The following GAB1 variants were observed in gnomAD, a reference collection of about 807,000 sequenced individuals.
GAB1 encodes GRB2 associated binding protein 1.
A neutral mutation model predicts 66.5 loss-of-function variants in GAB1; 19 were observed. That is an observed-to-expected ratio of 0.29 (90% confidence interval 0.20 to 0.42). The LOEUF (loss-of-function observed/expected upper bound fraction) is 0.42. Ranked by LOEUF, GAB1 falls within the 10% of genes least tolerant of loss-of-function variation. The probability of loss-of-function intolerance (pLI) is 1.00; values close to 1 mark genes in which losing one functional copy is unlikely to be tolerated. For missense variants in GAB1, 732 were observed against 858.5 expected (o/e 0.85, Z 1.84); for synonymous variants, 294 against 301.4 (o/e 0.98, Z 0.25).
chr4:143,439,766 T>C, intron 4 of GAB1, 36 bp from the exon 5 acceptor site: 5 of 1,457,498 alleles, frequency 3.4e-6, no homozygotes, highest in African/African-American at 1.4e-5. Flanking sequence ...CTGGCAAAGA[T>C]GGGAATAAAT....
chr4:143,341,695 C>G (rs778019804), intron 1 of GAB1, among the ~76,000 whole-genome samples: 25 of 152,240 alleles, frequency 1.6e-4, no homozygotes, highest in Non-Finnish European at 3.4e-4. Flanking sequence ...TTCAAAAACA[C>G]ACCCCTGGTT....
intron 1 of GAB1, among the ~76,000 whole-genome samples, chr4:143,347,607 C>T (rs894592910): frequency 6.6e-6 from 1 of 152,198 alleles, no homozygotes; most frequent in Non-Finnish European, 1.5e-5. Flanking sequence ...GTGAAGAATG[C>T]AAAAGAAGAG....
chr4:143,370,582 G>A (rs190790417), intron 1 of GAB1, among the ~76,000 whole-genome samples: 1 of 152,194 alleles, frequency 6.6e-6, no homozygotes, highest in East Asian at 1.9e-4. Context: ...AAGTTCTAGG[G>A]TACATGTGCA....
At position 143,414,991 on chromosome 4, in the gene GAB1, C is replaced by T. The variant is rs533797845; in HGVS notation, c.73-486C>T. Among the ~76,000 whole-genome samples the T allele has an allele frequency of 1.1e-4, 17 of 152,276 alleles. 1 individual carries two copies. Among genetic ancestry groups the T allele is most frequent in the South Asian group, 1.0e-3 (5 of 4,818 alleles). Reference sequence around the variant, plus strand: ...TCTCCATTTCCCACCCCTCCCCCTCCGCAGGGCCTGACAAATACCATTCTG... The same window carrying T: ...TCTCCATTTCCCACCCCTCCCCCTCTGCAGGGCCTGACAAATACCATTCTG... On this transcript the variant is annotated intron_variant, in intron 1 of 9. Transcript: ENST00000262994.
At chr4:143,468,132 A>G (rs991456950) in intron 9 of GAB1, among the ~76,000 whole-genome samples, 4 of 150,268 alleles carry the variant, frequency 2.7e-5, no homozygotes, top group Admixed American at 1.3e-4. Flanking sequence ...CAGGTTGTCT[A>G]TGTTAAGATG....
At chr4:143,388,564 G>A (rs527744821) in intron 1 of GAB1, among the ~76,000 whole-genome samples, 134 of 152,138 alleles carry the variant, frequency 8.8e-4, no homozygotes, top group African/African-American at 3.0e-3. Context: ...ACAGACGTGC[G>A]TCAACACGCC....
chr4:143,351,012 G>C (rs1327092441), intron 1 of GAB1, among the ~76,000 whole-genome samples: 1 of 152,192 alleles, frequency 6.6e-6, no homozygotes, highest in Admixed American at 6.5e-5. Flanking sequence ...CTCTAGGGGA[G>C]CATACAGACC....
intron 2 of GAB1, among the ~76,000 whole-genome samples, chr4:143,429,198 A>G (rs1203534798): frequency 6.6e-6 from 1 of 152,034 alleles, no homozygotes; most frequent in South Asian, 2.1e-4. Context: ...CGCCTCCTGG[A>G]TTCAAGTGAT....
chr4:143,413,519 T>A (rs1393691714), intron 1 of GAB1, among the ~76,000 whole-genome samples: 2 of 152,174 alleles, frequency 1.3e-5, no homozygotes, highest in South Asian at 4.1e-4. Flanking sequence ...TAAAGACCTA[T>A]ATAATGTTTT....
chr4:143,444,467 A>C (rs908313491), intron 6 of GAB1, among the ~76,000 whole-genome samples: 1 of 152,184 alleles, frequency 6.6e-6, no homozygotes, highest in Non-Finnish European at 1.5e-5. Flanking sequence ...TGGGGAGCAT[A>C]CAGAAGACTA....
At chr4:143,463,618 A>G (rs1483933503) in intron 8 of GAB1, among the ~76,000 whole-genome samples, 2 of 139,700 alleles carry the variant, frequency 1.4e-5, no homozygotes, top group East Asian at 4.0e-4. Flanking sequence ...GCAAGACTCC[A>G]TCTCAAAAAA....
intron 1 of GAB1, among the ~76,000 whole-genome samples, chr4:143,365,112 T>C (rs1390848120): frequency 1.3e-5 from 2 of 151,548 alleles, no homozygotes; most frequent in Non-Finnish European, 2.9e-5. Flanking sequence ...CTCCTGACCT[T>C]GTGATCCGCC....
intron 6 of GAB1, among the ~76,000 whole-genome samples, chr4:143,441,480 G>T (rs1414605213): frequency 6.6e-6 from 1 of 152,174 alleles, no homozygotes; most frequent in Non-Finnish European, 1.5e-5. Flanking sequence ...GTGAGGAAAA[G>T]AGACTGAGGC....
intron 1 of GAB1, among the ~76,000 whole-genome samples, chr4:143,404,784 G>A (rs767866908): frequency 1.3e-4 from 20 of 152,166 alleles, no homozygotes; most frequent in Admixed American, 2.0e-4. Context: ...TTGTCCATAT[G>A]ATAGCTTCTA....
chr4:143,383,750 C>T (rs912100176), intron 1 of GAB1, among the ~76,000 whole-genome samples: 16 of 152,006 alleles, frequency 1.1e-4, no homozygotes, highest in African/African-American at 3.6e-4. Context: ...GTTTTGTACC[C>T]ATTATAATTT....
At chr4:143,388,132 C>G (rs1281756577) in intron 1 of GAB1, among the ~76,000 whole-genome samples, 1 of 152,144 alleles carries the variant, frequency 6.6e-6, no homozygotes, top group African/African-American at 2.4e-5. Flanking sequence ...TGAATGCTCC[C>G]TTTTTTAATT....
chr4:143,344,500 T>C (rs878941132), intron 1 of GAB1, among the ~76,000 whole-genome samples: 1 of 152,246 alleles, frequency 6.6e-6, no homozygotes, highest in Admixed American at 6.5e-5. Flanking sequence ...GTTCTCTTTA[T>C]TCTCCCCTCT....
intron 6 of GAB1, among the ~76,000 whole-genome samples, chr4:143,456,456 CA>C (rs5862641): frequency 5.9e-4 from 83 of 139,788 alleles, no homozygotes; most frequent in East Asian, 2.7e-3. Flanking sequence ...GACTCCGTCT[CA>C]AAAAAAAAAA....
At chr4:143,405,495 C>T (rs1731998339) in intron 1 of GAB1, among the ~76,000 whole-genome samples, 1 of 152,180 alleles carries the variant, frequency 6.6e-6, no homozygotes, top group South Asian at 2.1e-4. Flanking sequence ...AGAAAACCCA[C>T]TATTGGTTTG....
Sources: allele counts gnomAD v4.1 joint callset (sites outside exome capture counted in the v4.1 genomes callset), GRCh38; gene constraint gnomAD v4.1.1; transcripts MANE v1.5; gene names NCBI Gene and HGNC (gene_info 2026-07-23, HGNC 2026-07-21).